Variants in ALK observed in about 807,000 individuals in gnomAD.
ALK encodes ALK tyrosine kinase receptor.
ALK carries 74 observed loss-of-function variants against 163.1 expected under a neutral mutation model. That is an observed-to-expected ratio of 0.45 (90% CI 0.38 to 0.55). The LOEUF is 0.55. Ranked by LOEUF, ALK falls within the 20% of genes least tolerant of loss-of-function variation. The pLI is 0.00. For missense variants in ALK, 2,063 were observed against 2,105.3 expected (o/e 0.98, Z 0.39); for synonymous variants, 960 against 843.2 (o/e 1.14, Z -2.40).
intron 3 of ALK, among the ~76,000 whole-genome samples, chr2:29,594,545 C>T (rs1164922539): frequency 6.6e-6 from 1 of 151,602 alleles, no homozygotes; most frequent in Non-Finnish European, 1.5e-5. Flanking sequence ...TCTCCTGCCT[C>T]CGCCTCCTGA....
In ALK at chr2:29,251,100, C is replaced by G. The variant is rs367892725; in HGVS notation, c.2204+5G>C. On this transcript the variant is annotated splice_donor_5th_base_variant and intron_variant, in intron 12 of 28. Coordinates refer to ENST00000389048, the MANE Select transcript of ALK (RefSeq NM_004304.5). Reference sequence around the variant, plus strand: ...GCCCCTCCCCTCCCCCTCTTCCATACGCACCTGTAGGTGTCGGTGGCTGGC... The same window carrying G: ...GCCCCTCCCCTCCCCCTCTTCCATAGGCACCTGTAGGTGTCGGTGGCTGGC... 2 of 1,613,736 alleles carry G rather than the reference C, an allele frequency of 1.2e-6. No homozygotes were observed. The highest frequency in any genetic ancestry group is 1.7e-6 in the Non-Finnish European group (2 of 1,179,854).
intron 3 of ALK, among the ~76,000 whole-genome samples, chr2:29,572,000 T>C (rs1374952265): frequency 8.5e-5 from 13 of 152,202 alleles, no homozygotes; most frequent in African/African-American, 3.1e-4. Context: ...AAGAATGGGC[T>C]GAGCCTTGCT....
chr2:29,609,032 T>C (rs1465381957), intron 3 of ALK, among the ~76,000 whole-genome samples: 1 of 152,218 alleles, frequency 6.6e-6, no homozygotes, highest in African/African-American at 2.4e-5. Flanking sequence ...CCAGTGATTC[T>C]TGTGCCTCAG....
At chr2:29,830,529 A>G (rs2148386030) in intron 1 of ALK, among the ~76,000 whole-genome samples, 1 of 152,050 alleles carries the variant, frequency 6.6e-6, no homozygotes, top group African/African-American at 2.4e-5. Context: ...TGCTATTCAC[A>G]GTGATCCAGT....
intron 3 of ALK, among the ~76,000 whole-genome samples, chr2:29,577,315 C>T (rs535599223): frequency 2.6e-5 from 4 of 152,298 alleles, no homozygotes; most frequent in South Asian, 4.1e-4. Flanking sequence ...AATAAAGATG[C>T]CTACTTCAGA....
chr2:29,244,970 C>T (rs1573153648), intron 12 of ALK, among the ~76,000 whole-genome samples: 1 of 152,222 alleles, frequency 6.6e-6, no homozygotes, highest in Non-Finnish European at 1.5e-5. Context: ...AGTAGGGCTC[C>T]ATGGCTCAGT....
rs139367810 is a variant in ALK at position 29,748,112 on chromosome 2, G to T, written c.668-30415C>A. ...TCAAGTGGACTTCCCTTCTTAAAGG[G>T]GTTGCAAGACCCACAACAAGAGATC... On this transcript the variant is annotated intron_variant, in intron 1 of 28. Coordinates refer to ENST00000389048, the MANE Select transcript of ALK (RefSeq NM_004304.5). 3.1e-3 allele frequency among the ~76,000 whole-genome samples: 477 copies of T among 152,184 alleles called. 1 individual carries two copies. Among genetic ancestry groups the T allele is most frequent in the African/African-American group, 0.011 (457 of 41,506 alleles).
At chr2:29,468,853 C>CAAAAAAAAA (rs70958265) in intron 4 of ALK, among the ~76,000 whole-genome samples, 1 of 30,908 alleles carries the variant, frequency 3.2e-5, no homozygotes, top group East Asian at 1.3e-3. Context: ...GACCCTGCCT[C>CAAAAAAAAA]AAAAAAAAAA....
chr2:29,882,468 G>A (rs1188513520), intron 1 of ALK, among the ~76,000 whole-genome samples: 2 of 152,168 alleles, frequency 1.3e-5, no homozygotes, highest in Non-Finnish European at 2.9e-5. Flanking sequence ...GGCTGAGGCA[G>A]GTGCATCACA....
At chr2:29,667,363 T>C (rs1380778855) in intron 3 of ALK, among the ~76,000 whole-genome samples, 1 of 152,128 alleles carries the variant, frequency 6.6e-6, no homozygotes, top group Non-Finnish European at 1.5e-5. Context: ...TAAATAAAAC[T>C]GGTGAAACTG....
At position 29,920,392 on chromosome 2, in the gene ALK, AGCCGCGGGCCTCGGGCCT is replaced by A; in HGVS notation, c.250_267del (p.Arg84_Gly89del). 6.4e-7 allele frequency: 1 copy of A among 1,569,718 alleles called. No homozygotes were observed. Among genetic ancestry groups the A allele is most frequent in the Non-Finnish European group, 8.6e-7 (1 of 1,158,332 alleles). On this transcript the variant is annotated inframe_deletion, in exon 1 of 29. Coordinates refer to ENST00000389048, the MANE Select transcript of ALK (RefSeq NM_004304.5). ...AGCGGGGCGCAGTCCAGAGCTAGCG[AGCCGCGGGCCTCGGGCCT>A]GCCAGCCTTCAGCTCCGAGGAGGAT...
chr2:29,556,973 T>C lies in ALK; in HGVS notation c.953-24857A>G, dbSNP rs188369361. On this transcript the variant is annotated intron_variant, in intron 3 of 28. Coordinates refer to ENST00000389048, the MANE Select transcript of ALK (RefSeq NM_004304.5). Reference sequence around the variant, plus strand: ...ACTAACTTGTGAAATCAAAAATATCTCTACAAATACTTTAGCTTCATTATC... The same window carrying C: ...ACTAACTTGTGAAATCAAAAATATCCCTACAAATACTTTAGCTTCATTATC... 1.8e-3 allele frequency among the ~76,000 whole-genome samples: 273 copies of C among 152,328 alleles called. 1 individual carries two copies. Among genetic ancestry groups the C allele is most frequent in the African/African-American group, 6.2e-3 (256 of 41,584 alleles).
chr2:29,616,603 C>T (rs1211232973), intron 3 of ALK, among the ~76,000 whole-genome samples: 1 of 152,128 alleles, frequency 6.6e-6, no homozygotes, highest in Non-Finnish European at 1.5e-5. Context: ...AGCATGGCAA[C>T]CTCTGAAATT....
intron 3 of ALK, among the ~76,000 whole-genome samples, chr2:29,656,324 T>G (rs1489334940): frequency 6.6e-6 from 1 of 152,180 alleles, no homozygotes; most frequent in African/African-American, 2.4e-5. Context: ...AACTCTAATA[T>G]TCTATGAATA....
intron 8 of ALK, among the ~76,000 whole-genome samples, chr2:29,298,788 TTCTC>T (rs1404833118): frequency 2.6e-5 from 4 of 152,194 alleles, no homozygotes; most frequent in Non-Finnish European, 5.9e-5. Flanking sequence ...TCTTTTCCTT[TTCTC>T]TCTTAGAGGA....
chr2:29,662,675 T>C (rs980705755), intron 3 of ALK, among the ~76,000 whole-genome samples: 5 of 152,154 alleles, frequency 3.3e-5, no homozygotes, highest in African/African-American at 9.7e-5. Context: ...CAAAGTTGAC[T>C]TCACCGGTCC....
At chr2:29,789,176 A>G (rs571471276) in intron 1 of ALK, among the ~76,000 whole-genome samples, 18 of 152,258 alleles carry the variant, frequency 1.2e-4, no homozygotes, top group Non-Finnish European at 2.4e-4. Flanking sequence ...GGGCACTGTG[A>G]TGAACTCTTG....
In ALK at chr2:29,201,462, A is replaced by G. The variant is rs371469296; in HGVS notation, c.3939-3786T>C. 1.1e-4 allele frequency among the ~76,000 whole-genome samples: 17 copies of G among 152,042 alleles called. 1 individual carries two copies. In the East Asian group the frequency reaches 2.7e-3, roughly 24 times the overall value. The stretch of plus-strand genomic sequence containing the variant: ...CCCACACCCCTCCACTTCCCATCCA[A>G]CAGTCAGCAGTCCTGTTAACTCTAC... On this transcript the variant is annotated intron_variant, in intron 26 of 28. Transcript: ENST00000389048.
intron 5 of ALK, among the ~76,000 whole-genome samples, chr2:29,332,898 G>A (rs1348722062): frequency 6.6e-6 from 1 of 152,154 alleles, no homozygotes; most frequent in African/African-American, 2.4e-5. Flanking sequence ...GAATCAAAAG[G>A]TATAAACATT....
Sources: allele counts gnomAD v4.1 joint callset (sites outside exome capture counted in the v4.1 genomes callset), GRCh38; gene constraint gnomAD v4.1.1; transcripts MANE v1.5; gene names NCBI Gene and HGNC (gene_info 2026-07-23, HGNC 2026-07-21).